The following LTBP1 variants were observed in gnomAD, a reference collection of about 807,000 sequenced individuals.
The protein encoded by LTBP1 is latent transforming growth factor beta binding protein 1.
In LTBP1, 129 loss-of-function variants were observed where a neutral mutation model predicts 207.6. The observed-to-expected ratio is 0.62, with a 90% confidence interval of 0.54 to 0.72. The LOEUF is 0.72. Among genes scored for constraint, LTBP1 ranks in the 30% least tolerant of loss-of-function variants. The pLI is 0.00. For missense variants in LTBP1, 2,281 were observed against 2,217.2 expected (o/e 1.03, Z -0.58); for synonymous variants, 963 against 833.7 (o/e 1.16, Z -2.67).
chr2:32,958,497 T>C (rs1251356107), intron 2 of LTBP1, among the ~76,000 whole-genome samples: 1 of 152,126 alleles, frequency 6.6e-6, no homozygotes, highest in Non-Finnish European at 1.5e-5. Flanking sequence ...TGGCTCTGGG[T>C]ATGGCTGAGC....
At chr2:33,011,259 C>T (rs145283263) in intron 2 of LTBP1, among the ~76,000 whole-genome samples, 1 of 152,202 alleles carries the variant, frequency 6.6e-6, no homozygotes, top group Non-Finnish European at 1.5e-5. Flanking sequence ...CACAGCTCCC[C>T]TCCATGTATT....
intron 20 of LTBP1, among the ~76,000 whole-genome samples, chr2:33,294,798 C>T (rs149240201): frequency 0.028 from 4,200 of 151,448 alleles, 210 homozygotes; most frequent in African/African-American, 0.095. Context: ...AGGCTGGTCT[C>T]GAACTCCTGA....
At chr2:33,232,294 A>G (rs995608108) in intron 9 of LTBP1, among the ~76,000 whole-genome samples, 4 of 152,204 alleles carry the variant, frequency 2.6e-5, no homozygotes, top group Non-Finnish European at 4.4e-5. Flanking sequence ...CAAATACAGA[A>G]GCATACATGA....
At chr2:33,095,834 CAAAG>C (rs750960617) in intron 3 of LTBP1, among the ~76,000 whole-genome samples, 39 of 151,850 alleles carry the variant, frequency 2.6e-4, no homozygotes, top group Non-Finnish European at 4.1e-4. Flanking sequence ...ATCTAGAAAA[CAAAG>C]AGAAAAATTA....
intron 2 of LTBP1, among the ~76,000 whole-genome samples, chr2:32,958,513 A>G (rs1447441698): frequency 1.3e-5 from 2 of 152,172 alleles, no homozygotes; most frequent in South Asian, 2.1e-4. Flanking sequence ...TGAGCCAGGT[A>G]GAAGAGGCAT....
chr2:33,118,804 T>C (rs2080932731), intron 4 of LTBP1, among the ~76,000 whole-genome samples: 1 of 152,192 alleles, frequency 6.6e-6, no homozygotes, highest in Non-Finnish European at 1.5e-5. Context: ...ATGGTATATC[T>C]GAGAGCTATT....
At chr2:33,037,553 T>C (rs2075984719) in intron 3 of LTBP1, among the ~76,000 whole-genome samples, 1 of 152,226 alleles carries the variant, frequency 6.6e-6, no homozygotes, top group African/African-American at 2.4e-5. Flanking sequence ...AAATATACAT[T>C]GTGTATCTTA....
intron 24 of LTBP1, among the ~76,000 whole-genome samples, chr2:33,328,952 G>T (rs1337130703): frequency 6.6e-6 from 1 of 152,088 alleles, no homozygotes; most frequent in Non-Finnish European, 1.5e-5. Context: ...TGCTTCCTAT[G>T]TGAGGCTGTT....
intron 3 of LTBP1, among the ~76,000 whole-genome samples, chr2:33,089,301 G>C (rs557922174): frequency 6.6e-6 from 1 of 152,238 alleles, no homozygotes; most frequent in South Asian, 2.1e-4. Context: ...GCACATAAAA[G>C]CAGCATAGAA....
chr2:33,341,142 G>C (rs1009581849), intron 24 of LTBP1, among the ~76,000 whole-genome samples: 3 of 152,178 alleles, frequency 2.0e-5, no homozygotes, highest in African/African-American at 7.2e-5. Flanking sequence ...CAGAGTACCA[G>C]GCGTGGCTGG....
intron 2 of LTBP1, among the ~76,000 whole-genome samples, chr2:32,984,089 C>T (rs1391484948): frequency 6.6e-6 from 1 of 152,128 alleles, no homozygotes; most frequent in Non-Finnish European, 1.5e-5. Flanking sequence ...TTTTGGAGCA[C>T]TCAAGGGAGG....
chr2:32,998,217 T>G (rs888305113), intron 2 of LTBP1, among the ~76,000 whole-genome samples: 3 of 152,048 alleles, frequency 2.0e-5, no homozygotes, highest in Non-Finnish European at 4.4e-5. Flanking sequence ...TACACTAATA[T>G]TTAAAAACCA....
At chr2:33,232,593 T>C (rs2091850118) in intron 9 of LTBP1, among the ~76,000 whole-genome samples, 1 of 152,188 alleles carries the variant, frequency 6.6e-6, no homozygotes, top group Non-Finnish European at 1.5e-5. Flanking sequence ...TGCATTTGTT[T>C]CTTCTTTTGG....
Position 33,225,293 on chromosome 2 carries a change from A to G in LTBP1, c.1876+3142A>G, listed in dbSNP as rs186761413. ...CTTCCTTCTACCTATTTGAAACTAT[A>G]TAACTACAAAACACTAGAACTTATT... is the stretch of plus-strand genomic sequence containing the variant. On this transcript the variant is annotated intron_variant, in intron 9 of 33. Transcript: ENST00000404816. 1.8e-3 allele frequency among the ~76,000 whole-genome samples: 271 copies of G among 152,330 alleles called. 3 individuals carry two copies. The highest frequency in any genetic ancestry group is 6.1e-3 in the African/African-American group (254 of 41,568).
intron 31 of LTBP1, among the ~76,000 whole-genome samples, chr2:33,379,702 G>T (rs1444025427): frequency 6.6e-6 from 1 of 152,198 alleles, no homozygotes; most frequent in Non-Finnish European, 1.5e-5. Context: ...AGGATTTCAA[G>T]ATAGTCCATC....
chr2:33,258,390 A>T (rs2092918662), intron 12 of LTBP1, among the ~76,000 whole-genome samples: 1 of 152,114 alleles, frequency 6.6e-6, no homozygotes. Flanking sequence ...TGTTGAGGAG[A>T]TAGAGTGCCC....
chr2:33,004,775 A>AGTCTC (rs1491119747), intron 2 of LTBP1, among the ~76,000 whole-genome samples: 1 of 64,050 alleles, frequency 1.6e-5, no homozygotes, highest in Non-Finnish European at 3.5e-5. Context: ...CCTCAGTCTC[A>AGTCTC]AAAAAAAAGG....
intron 5 of LTBP1, among the ~76,000 whole-genome samples, chr2:33,159,005 A>G (rs1284704203): frequency 6.6e-6 from 1 of 152,196 alleles, no homozygotes; most frequent in East Asian, 1.9e-4. Flanking sequence ...GTGAGATGAA[A>G]ATACCTATCG....
intron 2 of LTBP1, among the ~76,000 whole-genome samples, chr2:32,968,867 G>A (rs1053357202): frequency 6.7e-6 from 1 of 149,802 alleles, no homozygotes; most frequent in Non-Finnish European, 1.5e-5. Flanking sequence ...GGGACTGTAG[G>A]TGTGTGCCAC....
Sources: gnomAD v4.1 joint callset for allele counts (sites outside exome capture counted in the v4.1 genomes callset) on GRCh38, gnomAD v4.1.1 for gene constraint, MANE v1.5 for transcripts, NCBI Gene and HGNC (gene_info 2026-07-23, HGNC 2026-07-21) for gene names.